The following TAFA2 variants were observed in gnomAD, a reference collection of about 807,000 sequenced individuals.
The protein encoded by TAFA2 is TAFA chemokine like family member 2, also known as chemokine-like protein TAFA-2.
Under a neutral mutation model 18.8 loss-of-function variants are expected in TAFA2, and 7 were observed. The observed-to-expected ratio is 0.37, with a 90% CI of 0.21 to 0.70. TAFA2 has a LOEUF of 0.70. Among genes scored for constraint, TAFA2 ranks in the 30% least tolerant of loss-of-function variants. The pLI is 0.53. For synonymous variants in TAFA2, 60 were observed against 54.2 expected, an observed-to-expected ratio of 1.11 and a Z score of -0.47; for missense variants, 122 against 158.1, an observed-to-expected ratio of 0.77 and a Z score of 1.23.
chr12:61,945,942 A>T (rs1457729697), intron 1 of TAFA2, among the ~76,000 whole-genome samples: 1 of 147,876 alleles, frequency 6.8e-6, no homozygotes, highest in Non-Finnish European at 1.5e-5. Context: ...TCTTCACAGA[A>T]TTGGAAAAAA....
intron 1 of TAFA2, among the ~76,000 whole-genome samples, chr12:62,185,703 G>A (rs2062581651): frequency 6.6e-6 from 1 of 152,140 alleles, no homozygotes. Context: ...AAAAATATAA[G>A]TATAAATGTT....
chr12:61,817,353 C>G (rs1872126251), intron 2 of TAFA2, among the ~76,000 whole-genome samples: 1 of 151,958 alleles, frequency 6.6e-6, no homozygotes, highest in Admixed American at 6.6e-5. Flanking sequence ...GAATAATAAT[C>G]ATAGTTATTA....
At chr12:61,997,720 GGAA>G (rs1303935073) in intron 1 of TAFA2, among the ~76,000 whole-genome samples, 1 of 151,634 alleles carries the variant, frequency 6.6e-6, no homozygotes, top group Non-Finnish European at 1.5e-5. Context: ...AAAGATGAAG[GGAA>G]GAAGAAACCA....
chr12:61,905,531 T>G (rs1592475277), intron 1 of TAFA2, among the ~76,000 whole-genome samples: 1 of 152,204 alleles, frequency 6.6e-6, no homozygotes, highest in East Asian at 1.9e-4. Context: ...GGTTTAATAT[T>G]TTTTGTAAAT....
intron 1 of TAFA2, among the ~76,000 whole-genome samples, chr12:62,118,573 G>T (rs1024813699): frequency 1.3e-5 from 2 of 151,982 alleles, no homozygotes; most frequent in Admixed American, 6.6e-5. Context: ...GCACCAATTT[G>T]CCCTCCAGTC....
intron 1 of TAFA2, among the ~76,000 whole-genome samples, chr12:62,162,023 C>T (rs1008576566): frequency 2.6e-5 from 4 of 152,136 alleles, no homozygotes; most frequent in Admixed American, 6.5e-5. Flanking sequence ...TGAAGACTTG[C>T]TGAAATGTGT....
At chr12:62,241,403 T>G (rs543712887) in intron 1 of TAFA2, among the ~76,000 whole-genome samples, 20 of 152,320 alleles carry the variant, frequency 1.3e-4, no homozygotes, top group African/African-American at 4.8e-4. Flanking sequence ...TTCAAGAAGT[T>G]TTTAGCTTGA....
intron 2 of TAFA2, among the ~76,000 whole-genome samples, chr12:61,790,538 C>T (rs1289857810): frequency 6.6e-6 from 1 of 151,732 alleles, no homozygotes; most frequent in Non-Finnish European, 1.5e-5. Context: ...ACAAACTTAA[C>T]AGCTAAAAAT....
intron 1 of TAFA2, among the ~76,000 whole-genome samples, chr12:62,249,218 T>C (rs1182116845): frequency 6.6e-6 from 1 of 151,582 alleles, no homozygotes; most frequent in Admixed American, 6.6e-5. Context: ...GATAGACTGT[T>C]ATTTTTTAAA....
chr12:61,719,010 G>A (rs1355171226), intron 4 of TAFA2, among the ~76,000 whole-genome samples: 2 of 152,082 alleles, frequency 1.3e-5, no homozygotes, highest in Admixed American at 6.6e-5. Flanking sequence ...AACACAAATG[G>A]CTCTTAGGGA....
At chr12:61,931,646 T>G (rs1877559246) in intron 1 of TAFA2, among the ~76,000 whole-genome samples, 1 of 152,232 alleles carries the variant, frequency 6.6e-6, no homozygotes, top group Non-Finnish European at 1.5e-5. Flanking sequence ...TAAGCTACTT[T>G]AATCTCTAGT....
At chr12:62,160,451 C>G (rs894513760) in intron 1 of TAFA2, among the ~76,000 whole-genome samples, 1 of 152,184 alleles carries the variant, frequency 6.6e-6, no homozygotes, top group Non-Finnish European at 1.5e-5. Context: ...ATTGCAATTA[C>G]CTGGTTTCTC....
chr12:61,888,173 G>C (rs1028357827), intron 1 of TAFA2, among the ~76,000 whole-genome samples: 1 of 152,058 alleles, frequency 6.6e-6, no homozygotes. Flanking sequence ...TCAATGTGGC[G>C]ATTCCTCAGG....
intron 1 of TAFA2, among the ~76,000 whole-genome samples, chr12:61,894,991 T>G (rs71465114): frequency 6.6e-6 from 1 of 152,206 alleles, no homozygotes. Context: ...ACCTTCATTG[T>G]TTTTGAATAG....
intron 1 of TAFA2, among the ~76,000 whole-genome samples, chr12:61,884,217 T>C (rs1256043007): frequency 1.3e-5 from 2 of 152,128 alleles, no homozygotes; most frequent in Non-Finnish European, 2.9e-5. Context: ...ACGATGGCGC[T>C]GACCCAGAAT....
At chr12:61,857,557 G>A (rs1873935333) in intron 2 of TAFA2, among the ~76,000 whole-genome samples, 1 of 152,166 alleles carries the variant, frequency 6.6e-6, no homozygotes, top group Non-Finnish European at 1.5e-5. Flanking sequence ...GAAGGGAGCT[G>A]GAAGCTTAGA....
chr12:61,984,836 A>G (rs1421937949), intron 1 of TAFA2, among the ~76,000 whole-genome samples: 1 of 152,216 alleles, frequency 6.6e-6, no homozygotes, highest in Non-Finnish European at 1.5e-5. Context: ...AATGCAAGTA[A>G]TATCTACCAA....
intron 1 of TAFA2, among the ~76,000 whole-genome samples, chr12:61,965,973 A>G (rs1465586409): frequency 6.6e-6 from 1 of 151,894 alleles, no homozygotes; most frequent in Non-Finnish European, 1.5e-5. Flanking sequence ...CCATTGATGG[A>G]CATTTGAGTT....
chr12:61,752,112 T>C (rs1869046808), intron 4 of TAFA2, among the ~76,000 whole-genome samples: 1 of 152,052 alleles, frequency 6.6e-6, no homozygotes, highest in South Asian at 2.1e-4. Context: ...CTTGGGAAGT[T>C]ACATAACATT....
Sources: gnomAD v4.1 joint callset for allele counts (sites outside exome capture counted in the v4.1 genomes callset) on GRCh38, gnomAD v4.1.1 for gene constraint, MANE v1.5 for transcripts, NCBI Gene and HGNC (gene_info 2026-07-23, HGNC 2026-07-21) for gene names.